PITPNM2: variants seen among roughly 807,000 people sequenced by gnomAD.
The protein encoded by PITPNM2 is phosphatidylinositol transfer protein membrane associated 2, also known as membrane-associated phosphatidylinositol transfer protein 2.
PITPNM2 carries 35 observed loss-of-function variants against 132.2 expected under a neutral mutation model. That is an observed-to-expected ratio of 0.26 (90% CI 0.20 to 0.35). The LOEUF (loss-of-function observed/expected upper bound fraction) is 0.35, where lower values mean the gene tolerates loss of function less well. PITPNM2 is among the 10% of genes least tolerant of loss of function. The pLI is 1.00. For missense variants in PITPNM2, 1,332 were observed against 1,912.0 expected, an observed-to-expected ratio of 0.70 and a Z score of 5.66; for synonymous variants, 738 against 799.2, an observed-to-expected ratio of 0.92 and a Z score of 1.29.
rs1202775810 is a variant in PITPNM2, at chr12:122,990,718, G to A, written c.2405-9C>T. The A allele has an allele frequency of 5.7e-6, 9 of 1,592,770 alleles. No homozygotes were observed. The highest frequency in any genetic ancestry group is 7.7e-6 in the Non-Finnish European group (9 of 1,168,882). ...GGTCTGGAGCACATCCGCTGCAGGT[G>A]GACAGGGACCAGAGGCCAGGTAAGA... On this transcript the variant is annotated splice_polypyrimidine_tract_variant and intron_variant, in intron 16 of 25. Coordinates refer to ENST00000320201, the MANE Select transcript of PITPNM2 (RefSeq NM_020845.3).
At chr12:123,075,625 T>C (rs1316524345) in intron 2 of PITPNM2, 1 of 152,212 alleles carries the variant, frequency 6.6e-6, no homozygotes, top group African/African-American at 2.4e-5. Flanking sequence ...TGGAACGAGC[T>C]TTCCACACTT....
chr12:123,016,596 A>AG (rs2039434199), intron 3 of PITPNM2, among the ~76,000 whole-genome samples: 1 of 64,018 alleles, frequency 1.6e-5, no homozygotes, highest in Admixed American at 1.6e-4. Flanking sequence ...AAAACAAACA[A>AG]AAAAACAAAA....
At chr12:123,032,235 T>G (rs1340414274) in intron 3 of PITPNM2, among the ~76,000 whole-genome samples, 1 of 152,228 alleles carries the variant, frequency 6.6e-6, no homozygotes, top group Non-Finnish European at 1.5e-5. Context: ...TCCCAGCACT[T>G]TGGGAGGCCA....
At position 123,023,375 on chromosome 12, in the gene PITPNM2, C is replaced by T. The variant is rs748023667; in HGVS notation, c.79-9333G>A. On this transcript the variant is annotated intron_variant, in intron 3 of 25. Coordinates refer to ENST00000320201, the MANE Select transcript of PITPNM2 (RefSeq NM_020845.3). The surrounding 1 kb of genome is among the most constrained non-coding windows in gnomAD (Gnocchi z 4.8). Reference sequence around the variant, plus strand: ...TCTTCTGGGTGGAGCAGAAGGTGCACGTGACCAGAGCCATCTCTAGAGAAG... The same window carrying T: ...TCTTCTGGGTGGAGCAGAAGGTGCATGTGACCAGAGCCATCTCTAGAGAAG... 1.3e-5 allele frequency among the ~76,000 whole-genome samples: 2 copies of T among 152,136 alleles called. No homozygotes were observed. Among genetic ancestry groups the T allele is most frequent in the African/African-American group, 2.4e-5 (1 of 41,422 alleles).
chr12:122,988,174 G>C (rs2038019610), intron 20 of PITPNM2, 60 bp downstream of exon 20: 1 of 1,418,364 alleles, frequency 7.1e-7, no homozygotes, highest in African/African-American at 1.4e-5. Flanking sequence ...TCCTCATCTG[G>C]ACACGGAGGC....
In PITPNM2 at chr12:123,082,809, A is replaced by G. The variant is rs2137026851; in HGVS notation, c.-96+27576T>C. The G allele has an allele frequency of 6.6e-6, 1 of 152,348 alleles. No homozygotes were observed. Among genetic ancestry groups the G allele is most frequent in the Non-Finnish European group, 1.5e-5 (1 of 68,056 alleles). 9.4% of individuals were successfully genotyped at this position (152,348 alleles called of 1,614,324 possible). ...CACATTGTTGTGCAACATCCCCACC[A>G]TCCTTCTCCAGAACCAATTCACCTT... On this transcript the variant is annotated intron_variant, in intron 2 of 25. Transcript: ENST00000320201. This position sits in a 1 kb window ranked among gnomAD's most constrained non-coding sequence, Gnocchi z 5.4.
rs1326013895 is a variant in PITPNM2 at position 123,009,417 on chromosome 12, G to A, written c.643+433C>T. Among the ~76,000 whole-genome samples, 1 of 152,216 alleles carries A rather than the reference G, an allele frequency of 6.6e-6. No homozygotes were observed. The highest frequency in any genetic ancestry group is 1.5e-5 in the Non-Finnish European group (1 of 68,028). On this transcript the variant is annotated intron_variant, in intron 6 of 25. Transcript: ENST00000320201. This position sits in a 1 kb window ranked among gnomAD's most constrained non-coding sequence, Gnocchi z 4.8. ...CCTGGGAGCTTCCAGCCCAGTGAGG[G>A]AGGCTGAGCTGTGGCCCTGGGTTCT...
At chr12:122,997,935 GGGGCTTCCAGCTTTAGC>G (rs2038500970) in intron 10 of PITPNM2, among the ~76,000 whole-genome samples, 1 of 152,206 alleles carries the variant, frequency 6.6e-6, no homozygotes, top group South Asian at 2.1e-4. Context: ...AGTGGCTTCT[GGGGCTTCCAGCTTTAGC>G]GGGAGGCAGA....
chr12:123,015,513 AC>A (rs2039387576), intron 3 of PITPNM2, among the ~76,000 whole-genome samples: 1 of 152,174 alleles, frequency 6.6e-6, no homozygotes, highest in Non-Finnish European at 1.5e-5. Flanking sequence ...ATGAAGCTGG[AC>A]CCTATCTCAC....
chr12:123,049,740 T>C (rs1276332637), intron 2 of PITPNM2, among the ~76,000 whole-genome samples: 1 of 152,242 alleles, frequency 6.6e-6, no homozygotes, highest in African/African-American at 2.4e-5. Flanking sequence ...AGGGAACTTG[T>C]CTGTCTTATT....
In PITPNM2 at chr12:122,987,556, G is replaced by A. The variant is rs773182317; in HGVS notation, c.3218C>T (p.Ser1073Leu). The part of the protein sequence containing the change: ...SGRVSYTIPE[S>L]HRLGVGVYPI... The stretch of plus-strand genomic sequence containing the variant: ...GTAGACACCCACGCCCAGGCGGTGC[G>A]ACTCAGGGATGGTGTAGGAGACACG... The change falls in exon 22 of 26, where the codon TCG becomes TTG. Residue 1073 changes from serine (S) to leucine (L), a missense_variant. By Grantham distance (145) the Ser-to-Leu change is moderately radical. This residue lies in a region of PITPNM2 where 251 missense variants were observed against 472.0 expected (regional missense o/e 0.53). Transcript: ENST00000320201. The A allele has an allele frequency of 6.2e-6, 10 of 1,613,858 alleles. No individual in the cohort carries two copies. Among genetic ancestry groups the A allele is most frequent in the South Asian group, 1.1e-5 (1 of 91,078 alleles).
chr12:122,995,943 G>A (rs1594128188), intron 13 of PITPNM2, among the ~76,000 whole-genome samples: 4 of 152,200 alleles, frequency 2.6e-5, no homozygotes, highest in Admixed American at 2.6e-4. Flanking sequence ...CCCACTGCCC[G>A]CAGTGCAGAC....
chr12:123,007,860 A>G (rs2039007586), intron 6 of PITPNM2, among the ~76,000 whole-genome samples: 1 of 152,114 alleles, frequency 6.6e-6, no homozygotes, highest in Non-Finnish European at 1.5e-5. Flanking sequence ...GAGCTGTCCC[A>G]ACCCCCAGGA....
intron 2 of PITPNM2, among the ~76,000 whole-genome samples, chr12:123,061,018 C>T (rs56140750): frequency 9.2e-4 from 140 of 151,954 alleles, no homozygotes; most frequent in African/African-American, 2.9e-3. Flanking sequence ...GTAGCTACCG[C>T]GCCATTCACT....
chr12:123,146,491 G>C (rs2043621098), intron 1 of PITPNM2, among the ~76,000 whole-genome samples: 1 of 152,092 alleles, frequency 6.6e-6, no homozygotes, highest in African/African-American at 2.4e-5. Context: ...CTACCCAGGA[G>C]GCTGAGGCAG....
chr12:123,136,685 CAGG>C (rs1266735903), intron 1 of PITPNM2, among the ~76,000 whole-genome samples: 5 of 152,146 alleles, frequency 3.3e-5, no homozygotes, highest in Non-Finnish European at 7.4e-5. Context: ...ATCACGAGGT[CAGG>C]AGATTGACAC....
intron 10 of PITPNM2, among the ~76,000 whole-genome samples, chr12:122,999,871 GC>G (rs2038583622): frequency 6.6e-6 from 1 of 152,194 alleles, no homozygotes; most frequent in Non-Finnish European, 1.5e-5. Context: ...CAGATCCAGA[GC>G]CCCAGGCCCC....
At position 122,985,921 on chromosome 12, in the gene PITPNM2, C is replaced by G; in HGVS notation, c.*106G>C. On this transcript the variant is annotated 3_prime_UTR_variant, in exon 26 of 26. Transcript: ENST00000320201. ...CCGTGTCCTCCACAAGGCCCTGGGA[C>G]AATCTCCCAGGCCCACGTCAGTGCG... is the stretch of plus-strand genomic sequence containing the variant. 9.2e-7 allele frequency: 1 copy of G among 1,086,660 alleles called. No individual in the cohort carries two copies. Among genetic ancestry groups the G allele is most frequent in the Middle Eastern group, 3.2e-4 (1 of 3,104 alleles). 67.3% of individuals were successfully genotyped at this position (1,086,660 alleles called of 1,614,324 possible). A position where few individuals can be genotyped will look rare whatever the true frequency, so the allele number is the denominator to read the frequency against.
chr12:123,095,895 A>AC lies in PITPNM2; in HGVS notation c.-96+14489dup, dbSNP rs766117985. On this transcript the variant is annotated intron_variant, in intron 2 of 25. Transcript: ENST00000320201. The surrounding 1 kb of genome is among the most constrained non-coding windows in gnomAD (Gnocchi z 5.0). ...CATGGGCTCCACGCCCCAGTGGCAGACCCCCCCAACCCCACTTCCACAAGG... is the reference window on the plus strand; with the variant it reads ...CATGGGCTCCACGCCCCAGTGGCAGACCCCCCCCAACCCCACTTCCACAAGG... Among the ~76,000 whole-genome samples, 9 of 151,908 alleles carry AC rather than the reference A, an allele frequency of 5.9e-5. No homozygotes were observed. Among genetic ancestry groups the AC allele is most frequent in the Admixed American group, 1.3e-4 (2 of 15,246 alleles).
Sources: allele counts gnomAD v4.1 joint callset (sites outside exome capture counted in the v4.1 genomes callset), GRCh38; gene constraint gnomAD v4.1.1; regional missense constraint gnomAD v4.1.1; non-coding constraint Gnocchi (gnomAD v3.1); transcripts MANE v1.5; gene names NCBI Gene and HGNC (gene_info 2026-07-23, HGNC 2026-07-21).